TCEA1: variants seen among roughly 807,000 people sequenced by gnomAD.
TCEA1 encodes the protein transcription elongation factor A1.
Under a neutral mutation model 43.8 loss-of-function variants are expected in TCEA1, and 21 were observed. That is an observed-to-expected ratio of 0.48 (90% confidence interval 0.34 to 0.69). The LOEUF (loss-of-function observed/expected upper bound fraction) is 0.69, where lower values mean the gene tolerates loss of function less well. Ranked by LOEUF, TCEA1 falls within the 30% of genes least tolerant of loss-of-function variation. The pLI, the probability that TCEA1 is intolerant of heterozygous loss-of-function variation, is 0.01. For missense variants in TCEA1, 250 were observed against 365.1 expected (o/e 0.68, Z 2.57); for synonymous variants, 104 against 117.5 (o/e 0.88, Z 0.75).
At chr8:54,001,949 C>G (rs1348226534) in intron 2 of TCEA1, among the ~76,000 whole-genome samples, 2 of 150,776 alleles carry the variant, frequency 1.3e-5, no homozygotes, top group East Asian at 3.9e-4. Flanking sequence ...TGAGACCAGC[C>G]TGGCCAATAT....
intron 2 of TCEA1, among the ~76,000 whole-genome samples, chr8:54,007,813 C>T (rs1400930827): frequency 1.3e-5 from 2 of 152,048 alleles, no homozygotes; most frequent in South Asian, 4.1e-4. Flanking sequence ...CAGAAAATAA[C>T]GATATTCATG....
Position 54,004,869 on chromosome 8 carries a change from A to T in TCEA1, c.127-4819T>A, listed in dbSNP as rs1278669923. 2.6e-5 allele frequency among the ~76,000 whole-genome samples: 4 copies of T among 152,280 alleles called. No homozygotes were observed. In the East Asian group the frequency reaches 5.8e-4, roughly 22 times the overall value. ...GGGACCTTGTCTTGTCTGCCACTAT[A>T]TTCAGCATGTGGAATAATATCTAGC... On this transcript the variant is annotated intron_variant, in intron 2 of 9. Transcript: ENST00000521604.
At position 53,981,261 on chromosome 8, in the gene TCEA1, T is replaced by C. The variant is rs1200148175; in HGVS notation, c.679-2090A>G. ...AGATCATTGATGAAGGTAGCTATTC[T>C]AAACAAAGATTTTCAATGTTGATGA... On this transcript the variant is annotated intron_variant, in intron 7 of 9. Transcript: ENST00000521604. Among the ~76,000 whole-genome samples, 5 of 152,366 alleles carry C rather than the reference T, an allele frequency of 3.3e-5. No individual in the cohort carries two copies. In the East Asian group the frequency reaches 9.6e-4, roughly 29 times the overall value.
chr8:54,007,631 T>G (rs1162605481), intron 2 of TCEA1, among the ~76,000 whole-genome samples: 1 of 152,244 alleles, frequency 6.6e-6, no homozygotes, highest in Non-Finnish European at 1.5e-5. Context: ...CAACTGTGGT[T>G]TAGTGTTTTC....
chr8:53,969,363 A>T (rs1188953673), intron 9 of TCEA1, among the ~76,000 whole-genome samples: 2 of 152,186 alleles, frequency 1.3e-5, no homozygotes, highest in African/African-American at 2.4e-5. Context: ...AAGAAGCCAA[A>T]TGGATATCTT....
chr8:53,972,541 A>C (rs866970284), intron 8 of TCEA1: 11 of 545,810 alleles, frequency 2.0e-5, no homozygotes, highest in Non-Finnish European at 1.8e-5. Context: ...GATAGATTAA[A>C]GGCAAAAGAT....
chr8:53,984,638 C>A, intron 6 of TCEA1, 121 bp from the exon 7 acceptor site: 2 of 725,870 alleles, frequency 2.8e-6, no homozygotes, highest in Non-Finnish European at 4.1e-6. Flanking sequence ...AATCCCAGCA[C>A]TTTGGGAGGC....
At chr8:53,984,540 AG>A in intron 6 of TCEA1, 23 bp from the exon 7 acceptor site, 1 of 1,527,112 alleles carries the variant, frequency 6.5e-7, no homozygotes, top group Non-Finnish European at 8.8e-7. Context: ...TAAGGAAAAA[AG>A]GCAAAATTAC....
At chr8:54,014,326 T>TA (rs1479186514) in intron 1 of TCEA1, among the ~76,000 whole-genome samples, 1 of 152,094 alleles carries the variant, frequency 6.6e-6, no homozygotes, top group Non-Finnish European at 1.5e-5. Context: ...ATGTCAAGCC[T>TA]AGGCCAGGCA....
chr8:53,969,243 T>C (rs933464925), intron 9 of TCEA1, among the ~76,000 whole-genome samples: 2 of 152,164 alleles, frequency 1.3e-5, no homozygotes, highest in Non-Finnish European at 2.9e-5. Flanking sequence ...TGAGCTGAGA[T>C]AGCGCCACTG....
At chr8:54,016,271 T>TC (rs1804822287) in intron 1 of TCEA1, among the ~76,000 whole-genome samples, 1 of 151,872 alleles carries the variant, frequency 6.6e-6, no homozygotes, top group African/African-American at 2.4e-5. Context: ...AGTCAGGAGA[T>TC]CGAGACCATC....
intron 1 of TCEA1, among the ~76,000 whole-genome samples, chr8:54,012,445 A>C (rs1483059831): frequency 6.6e-6 from 1 of 152,198 alleles, no homozygotes; most frequent in African/African-American, 2.4e-5. Flanking sequence ...CTGTAATCCC[A>C]GCTACTCAGG....
intron 1 of TCEA1, among the ~76,000 whole-genome samples, chr8:54,020,539 T>C (rs1804987789): frequency 1.3e-5 from 2 of 152,216 alleles, no homozygotes; most frequent in South Asian, 2.1e-4. Context: ...TTAACACTAA[T>C]TCCTGATCTA....
intron 1 of TCEA1, chr8:54,021,660 A>T (rs1805037116): frequency 6.0e-6 from 1 of 166,532 alleles, no homozygotes; most frequent in South Asian, 1.9e-4. Context: ...CCTCTATTTG[A>T]TGCTCTTTCT....
At chr8:54,014,961 G>C (rs1306471828) in intron 1 of TCEA1, among the ~76,000 whole-genome samples, 1 of 152,150 alleles carries the variant, frequency 6.6e-6, no homozygotes, top group Non-Finnish European at 1.5e-5. Flanking sequence ...TATCAAAATA[G>C]AGGGTCTGAC....
At chr8:53,987,145 G>A (rs1052577496) in intron 5 of TCEA1, 120 bp from the exon 6 acceptor site, 11 of 803,744 alleles carry the variant, frequency 1.4e-5, no homozygotes, top group Non-Finnish European at 1.6e-5. Flanking sequence ...TAAAGAAACC[G>A]TTCAGTTTAG....
chr8:54,008,694 G>C (rs1804555964), intron 2 of TCEA1, among the ~76,000 whole-genome samples: 1 of 150,624 alleles, frequency 6.6e-6, no homozygotes. Flanking sequence ...CAAAGAACAT[G>C]AATAGATATT....
chr8:54,003,492 T>C (rs994916229), intron 2 of TCEA1, among the ~76,000 whole-genome samples: 1 of 152,178 alleles, frequency 6.6e-6, no homozygotes, highest in Admixed American at 6.5e-5. Context: ...GGCAAAAGGA[T>C]GGACGCGCAG....
At chr8:54,017,155 ATG>A (rs545741482) in intron 1 of TCEA1, among the ~76,000 whole-genome samples, 89 of 152,254 alleles carry the variant, frequency 5.8e-4, no homozygotes, top group Middle Eastern at 3.4e-3. Flanking sequence ...TGAGGGCTGA[ATG>A]AGGAGTGACT....
Sources: allele counts gnomAD v4.1 joint callset (sites outside exome capture counted in the v4.1 genomes callset), GRCh38; gene constraint gnomAD v4.1.1; transcripts MANE v1.5; gene names NCBI Gene and HGNC (gene_info 2026-07-23, HGNC 2026-07-21).